PCDH9: variants seen among roughly 807,000 people sequenced by gnomAD.
PCDH9 encodes protocadherin-9.
In PCDH9, 24 loss-of-function variants were observed where a neutral mutation model predicts 70.6. That is an observed-to-expected ratio of 0.34 (90% CI 0.25 to 0.48). The LOEUF is 0.48. Among genes scored for constraint, PCDH9 ranks in the 20% least tolerant of loss-of-function variants. The probability of loss-of-function intolerance (pLI) is 0.99; values close to 1 mark genes in which losing one functional copy is unlikely to be tolerated. For missense variants in PCDH9, 1,281 were observed against 1,503.6 expected, an observed-to-expected ratio of 0.85 and a Z score of 2.45; for synonymous variants, 562 against 558.5, an observed-to-expected ratio of 1.01 and a Z score of -0.09.
chr13:66,752,929 T>C (rs2079483211), intron 3 of PCDH9, among the ~76,000 whole-genome samples: 1 of 152,166 alleles, frequency 6.6e-6, no homozygotes, highest in Admixed American at 6.5e-5. Flanking sequence ...ATATGTTTAA[T>C]TTTACTAATT....
chr13:66,967,603 A>G (rs1350586228), intron 2 of PCDH9, among the ~76,000 whole-genome samples: 1 of 152,000 alleles, frequency 6.6e-6, no homozygotes, highest in Non-Finnish European at 1.5e-5. Context: ...TAAGTCCAAT[A>G]CAAGACTATA....
At chr13:67,064,555 A>T (rs1161288369) in intron 2 of PCDH9, among the ~76,000 whole-genome samples, 1 of 152,176 alleles carries the variant, frequency 6.6e-6, no homozygotes, top group Non-Finnish European at 1.5e-5. Flanking sequence ...ATCATAATGT[A>T]CTAAATTAAA....
At chr13:67,002,663 GAACTT>G (rs1231177646) in intron 2 of PCDH9, among the ~76,000 whole-genome samples, 1 of 151,522 alleles carries the variant, frequency 6.6e-6, no homozygotes, top group Non-Finnish European at 1.5e-5. Flanking sequence ...TAATTTCTCA[GAACTT>G]AACTTTCACC....
intron 3 of PCDH9, among the ~76,000 whole-genome samples, chr13:66,819,440 G>A (rs528703174): frequency 6.6e-6 from 1 of 152,188 alleles, no homozygotes; most frequent in South Asian, 2.1e-4. Flanking sequence ...CTCATCTGTA[G>A]TCCAGATGAG....
chr13:66,965,004 G>GA (rs1177053367), intron 2 of PCDH9, among the ~76,000 whole-genome samples: 2 of 151,626 alleles, frequency 1.3e-5, no homozygotes, highest in East Asian at 3.9e-4. Context: ...ACATTTTGGA[G>GA]AAAAAATTTT....
At position 67,150,367 on chromosome 13, in the gene PCDH9, C is replaced by T. The variant is rs2138383603; in HGVS notation, c.3036+75038G>A. Among the ~76,000 whole-genome samples the T allele has an allele frequency of 2.0e-5, 3 of 152,148 alleles. 1 individual carries two copies. The South Asian group carries it at 6.2e-4, about 32-fold the overall frequency. Reference sequence around the variant, plus strand: ...TTTGAGTTTTAATCAATACAAAAAGCCCAAAGTGTTGGTTTCCATACAAGT... The same window carrying T: ...TTTGAGTTTTAATCAATACAAAAAGTCCAAAGTGTTGGTTTCCATACAAGT... On this transcript the variant is annotated intron_variant, in intron 2 of 4. Transcript: ENST00000377865.
At chr13:66,433,089 G>C (rs1293488656) in intron 4 of PCDH9, among the ~76,000 whole-genome samples, 1 of 151,824 alleles carries the variant, frequency 6.6e-6, no homozygotes, top group Non-Finnish European at 1.5e-5. Flanking sequence ...GAAATGAAAG[G>C]GATGCTTAAG....
intron 4 of PCDH9, among the ~76,000 whole-genome samples, chr13:66,417,698 T>G (rs930174950): frequency 1.3e-5 from 2 of 152,198 alleles, no homozygotes; most frequent in Admixed American, 1.3e-4. Context: ...ATGATTGCCA[T>G]CTAACTGGCT....
chr13:67,216,433 T>C (rs188155010), intron 2 of PCDH9: 2 of 152,020 alleles, frequency 1.3e-5, no homozygotes, highest in African/African-American at 4.8e-5. Context: ...GTATAAATTC[T>C]ACCATCTCTT....
intron 3 of PCDH9, among the ~76,000 whole-genome samples, chr13:66,864,865 A>G (rs762541447): frequency 6.6e-6 from 1 of 152,248 alleles, no homozygotes; most frequent in Non-Finnish European, 1.5e-5. Context: ...AGTAGCAAAA[A>G]TGAACAGGTG....
At chr13:66,504,812 A>T (rs573672948) in intron 4 of PCDH9, among the ~76,000 whole-genome samples, 1 of 152,304 alleles carries the variant, frequency 6.6e-6, no homozygotes, top group South Asian at 2.1e-4. Context: ...TGGATAAGTA[A>T]TGCTTATGAG....
intron 2 of PCDH9, among the ~76,000 whole-genome samples, chr13:66,924,326 T>A (rs1349715860): frequency 1.3e-5 from 2 of 151,904 alleles, no homozygotes; most frequent in African/African-American, 4.8e-5. Flanking sequence ...GAAAATATTT[T>A]AAAATATTCC....
intron 2 of PCDH9, among the ~76,000 whole-genome samples, chr13:67,178,871 T>C (rs1425792085): frequency 2.6e-5 from 4 of 152,176 alleles, no homozygotes; most frequent in South Asian, 2.1e-4. Context: ...AGAAAGACTT[T>C]CCTGAGCTCA....
intron 3 of PCDH9, among the ~76,000 whole-genome samples, chr13:66,848,915 G>T (rs1324384088): frequency 2.5e-5 from 3 of 122,264 alleles, no homozygotes; most frequent in Non-Finnish European, 4.8e-5. Context: ...GTGACACAGC[G>T]AGACTCCGTC....
chr13:66,606,308 T>C (rs1394136141), intron 4 of PCDH9, among the ~76,000 whole-genome samples: 3 of 152,090 alleles, frequency 2.0e-5, no homozygotes, highest in Non-Finnish European at 4.4e-5. Context: ...CTTTTAACCG[T>C]GCCTCCTGTG....
chr13:67,161,101 G>A (rs572401812), intron 2 of PCDH9, among the ~76,000 whole-genome samples: 1 of 152,248 alleles, frequency 6.6e-6, no homozygotes, highest in African/African-American at 2.4e-5. Context: ...AGAATAAAAT[G>A]ATTTAACAAT....
intron 2 of PCDH9, among the ~76,000 whole-genome samples, chr13:66,931,579 G>A (rs2082809037): frequency 1.3e-5 from 2 of 152,016 alleles, no homozygotes; most frequent in Admixed American, 1.3e-4. Context: ...GTGGTGGGGG[G>A]GAAGGAAGTC....
At chr13:66,971,514 T>C (rs894846850) in intron 2 of PCDH9, among the ~76,000 whole-genome samples, 1 of 152,038 alleles carries the variant, frequency 6.6e-6, no homozygotes, top group Non-Finnish European at 1.5e-5. Flanking sequence ...GGAACCACAA[T>C]ATAATCTTAT....
At chr13:67,194,724 G>A (rs1033771819) in intron 2 of PCDH9, among the ~76,000 whole-genome samples, 1 of 152,102 alleles carries the variant, frequency 6.6e-6, no homozygotes, top group Middle Eastern at 3.2e-3. Flanking sequence ...GAATTGCCAG[G>A]AAATGGAGAG....
Sources: gnomAD v4.1 joint callset for allele counts (sites outside exome capture counted in the v4.1 genomes callset) on GRCh38, gnomAD v4.1.1 for gene constraint, MANE v1.5 for transcripts, NCBI Gene and HGNC (gene_info 2026-07-23, HGNC 2026-07-21) for gene names.